DGKB: variants seen among roughly 807,000 people sequenced by gnomAD.
DGKB encodes diacylglycerol kinase beta, also known as 90 kDa diacylglycerol kinase.
In DGKB, 67 loss-of-function variants were observed where a neutral mutation model predicts 114.3. That is an observed-to-expected ratio of 0.59 (90% CI 0.48 to 0.72). The LOEUF is 0.72. Among genes scored for constraint, DGKB ranks in the 30% least tolerant of loss-of-function variants. The pLI is 0.00. For synonymous variants in DGKB, 398 were observed against 323.1 expected, an observed-to-expected ratio of 1.23 and a Z score of -2.49; for missense variants, 907 against 975.2, an observed-to-expected ratio of 0.93 and a Z score of 0.93.
rs200516576 is a variant in DGKB, at chr7:14,861,668, AC to A, written c.-187-20219del. On this transcript the variant is annotated intron_variant, in intron 1 of 25. Transcript: ENST00000402815. ...TTATGATTATCTATATAGTTTTACC[AC>A]CTATTATGGCCTGGCCTGTTTTGAA... 5.4e-3 allele frequency among the ~76,000 whole-genome samples: 825 copies of A among 151,874 alleles called. 9 individuals carry two copies. Among genetic ancestry groups the A allele is most frequent in the African/African-American group, 0.018 (752 of 41,468 alleles).
chr7:14,956,077 A>C (rs1450882076), intron 1 of DGKB, among the ~76,000 whole-genome samples: 1 of 151,992 alleles, frequency 6.6e-6, no homozygotes, highest in African/African-American at 2.4e-5. Flanking sequence ...CAAAATATAA[A>C]ACAAATAAAC....
At chr7:14,960,551 A>G (rs1786781531) in intron 1 of DGKB, among the ~76,000 whole-genome samples, 1 of 152,034 alleles carries the variant, frequency 6.6e-6, no homozygotes. Flanking sequence ...GGCAAATAAG[A>G]GTAGGAAGTA....
intron 1 of DGKB, among the ~76,000 whole-genome samples, chr7:14,916,105 C>A (rs1048025687): frequency 7.4e-6 from 1 of 135,352 alleles, no homozygotes; most frequent in Non-Finnish European, 1.5e-5. Flanking sequence ...CATGTACCAT[C>A]TTTGAAACAG....
chr7:14,647,813 G>A (rs569543856), intron 13 of DGKB, among the ~76,000 whole-genome samples: 7 of 152,330 alleles, frequency 4.6e-5, no homozygotes, highest in South Asian at 2.1e-4. Context: ...GAAGCAGGGC[G>A]AGGCATTGCC....
chr7:14,680,699 G>C (rs118035885), intron 12 of DGKB, among the ~76,000 whole-genome samples: 2,694 of 152,134 alleles, frequency 0.018, 37 homozygotes, highest in South Asian at 0.028. Flanking sequence ...TTTGAGGACA[G>C]TGGTTCTCAT....
intron 20 of DGKB, among the ~76,000 whole-genome samples, chr7:14,488,703 C>T (rs1043722965): frequency 4.6e-5 from 7 of 150,688 alleles, no homozygotes; most frequent in African/African-American, 1.5e-4. Flanking sequence ...TGGCACGCAC[C>T]TGTAGTCCCA....
chr7:14,718,512 G>T (rs758825425), intron 6 of DGKB, 30 bp downstream of exon 6: 2 of 1,586,704 alleles, frequency 1.3e-6, no homozygotes. Flanking sequence ...CCCCAATCAC[G>T]ATAAGTAAAC....
intron 25 of DGKB, among the ~76,000 whole-genome samples, chr7:14,159,813 T>C (rs1344521102): frequency 6.6e-6 from 1 of 152,038 alleles, no homozygotes; most frequent in East Asian, 1.9e-4. Flanking sequence ...GCTGGAATTA[T>C]AGGCGTCCAC....
At chr7:14,653,468 A>C (rs1429067643) in intron 13 of DGKB, among the ~76,000 whole-genome samples, 1 of 151,780 alleles carries the variant, frequency 6.6e-6, no homozygotes, top group Non-Finnish European at 1.5e-5. Flanking sequence ...GATCACATGG[A>C]CACAGGAAGG....
In DGKB at chr7:14,772,981, T is replaced by C. The variant is rs373639761; in HGVS notation, c.71-15250A>G. Among the ~76,000 whole-genome samples, 34 of 152,304 alleles carry C rather than the reference T, an allele frequency of 2.2e-4. No homozygotes were observed. The East Asian group carries it at 4.8e-3, about 22-fold the overall frequency. On this transcript the variant is annotated intron_variant, in intron 2 of 25. Coordinates refer to ENST00000402815, the MANE Select transcript of DGKB (RefSeq NM_001350709.2). ...AATTGGGTTATCTTCAATGCTTTAA[T>C]CTTCAAAAGAAACAAAACATGCCTT...
intron 21 of DGKB, among the ~76,000 whole-genome samples, chr7:14,362,797 A>G (rs924274307): frequency 6.6e-6 from 1 of 152,116 alleles, no homozygotes; most frequent in Non-Finnish European, 1.5e-5. Context: ...ACTGTTTAAT[A>G]CAGTGGTAGA....
intron 1 of DGKB, among the ~76,000 whole-genome samples, chr7:14,971,365 C>G (rs556255929): frequency 7.9e-5 from 12 of 152,124 alleles, no homozygotes; most frequent in Non-Finnish European, 1.8e-4. Context: ...AATCAAGTTT[C>G]CTACCTCCGT....
intron 1 of DGKB, among the ~76,000 whole-genome samples, chr7:14,920,970 G>C (rs569443257): frequency 6.6e-6 from 1 of 151,690 alleles, no homozygotes. Context: ...CCCACTCTAG[G>C]TTCAGGGACA....
chr7:14,969,796 A>C (rs1787356276), intron 1 of DGKB, among the ~76,000 whole-genome samples: 1 of 152,198 alleles, frequency 6.6e-6, no homozygotes, highest in Non-Finnish European at 1.5e-5. Context: ...TATTGCTCCT[A>C]GGCTGCAAAA....
chr7:14,847,227 C>A (rs1439756856), intron 1 of DGKB, among the ~76,000 whole-genome samples: 1 of 145,592 alleles, frequency 6.9e-6, no homozygotes, highest in Non-Finnish European at 1.5e-5. Flanking sequence ...GGAGGCGGAG[C>A]TTGCAGTGAG....
chr7:14,314,107 A>T (rs2128513355), intron 23 of DGKB, among the ~76,000 whole-genome samples: 1 of 152,292 alleles, frequency 6.6e-6, no homozygotes, highest in East Asian at 1.9e-4. Context: ...AACAGAAAGG[A>T]CATCCACACC....
intron 21 of DGKB, among the ~76,000 whole-genome samples, chr7:14,413,131 T>C (rs182193696): frequency 6.3e-4 from 96 of 152,088 alleles, no homozygotes; most frequent in Non-Finnish European, 4.4e-5. Flanking sequence ...TAAAGTGATA[T>C]AGCAATGGAT....
chr7:14,618,183 ATAAT>A (rs1455283495), intron 15 of DGKB, among the ~76,000 whole-genome samples: 1 of 151,476 alleles, frequency 6.6e-6, no homozygotes, highest in African/African-American at 2.4e-5. Context: ...TTATATAGAG[ATAAT>A]TAATTTAATA....
rs936339670 is a variant in DGKB, at chr7:14,607,333, C to T, written c.1433+101G>A. On this transcript the variant is annotated intron_variant, in intron 17 of 25. Transcript: ENST00000402815. ...TATTTCATTTTTATGTACTAATATGCTGCTGTGTTCAAATAACATTATTTC... is the reference window on the plus strand; with the variant it reads ...TATTTCATTTTTATGTACTAATATGTTGCTGTGTTCAAATAACATTATTTC... The T allele has an allele frequency of 2.4e-5, 16 of 666,814 alleles. No individual in the cohort carries two copies. In the African/African-American group the frequency reaches 2.7e-4, roughly 11 times the overall value. 41.3% of individuals were successfully genotyped at this position (666,814 alleles called of 1,614,324 possible). A position where few individuals can be genotyped will look rare whatever the true frequency, so the allele number is the denominator to read the frequency against.
Sources: gnomAD v4.1 joint callset for allele counts (sites outside exome capture counted in the v4.1 genomes callset) on GRCh38, gnomAD v4.1.1 for gene constraint, MANE v1.5 for transcripts, NCBI Gene and HGNC (gene_info 2026-07-23, HGNC 2026-07-21) for gene names.